The following GPHN variants were observed in gnomAD, a reference collection of about 807,000 sequenced individuals.
GPHN encodes the protein gephyrin.
A neutral mutation model predicts 95.5 loss-of-function variants in GPHN; 17 were observed. That is an observed-to-expected ratio of 0.18 (90% CI 0.12 to 0.27). The LOEUF (loss-of-function observed/expected upper bound fraction) is 0.27. Among genes scored for constraint, GPHN ranks in the 10% least tolerant of loss-of-function variants. GPHN has a pLI of 1.00. For missense variants in GPHN, 660 were observed against 978.1 expected (o/e 0.67, Z 4.34); for synonymous variants, 320 against 322.5 (o/e 0.99, Z 0.08).
chr14:66,984,705 G>A lies in GPHN; in HGVS notation c.963+19380G>A, dbSNP rs530792718. Among the ~76,000 whole-genome samples, 3 of 152,200 alleles carry A rather than the reference G, an allele frequency of 2.0e-5. No individual in the cohort carries two copies. The East Asian group carries it at 5.8e-4, about 29-fold the overall frequency. ...AACTGGGAACTTTTGGCATCACACT[G>A]ATATTTCTGCTATCTCCTAATATAA... On this transcript the variant is annotated intron_variant, in intron 9 of 22. Transcript: ENST00000478722.
chr14:67,641,129 A>G, the GPHN span, among the ~76,000 whole-genome samples: 1 of 152,178 alleles, frequency 6.6e-6, no homozygotes, highest in Admixed American at 6.5e-5. Flanking sequence ...TGATAGTGAC[A>G]CCTTTGTTTT....
chr14:66,688,472 T>C (rs949900457), intron 2 of GPHN, among the ~76,000 whole-genome samples: 1 of 152,258 alleles, frequency 6.6e-6, no homozygotes, highest in Non-Finnish European at 1.5e-5. Context: ...TAAAATGGAT[T>C]GCTTTTTCAG....
chr14:66,508,915 G>A (rs1042530050), intron 1 of GPHN: 46 of 384,828 alleles, frequency 1.2e-4, no homozygotes, highest in African/African-American at 7.8e-4. Context: ...TGCAGGCGGC[G>A]GGATCCCGGC....
the GPHN span, among the ~76,000 whole-genome samples, chr14:67,532,299 G>C: frequency 6.6e-6 from 1 of 152,190 alleles, no homozygotes; most frequent in African/African-American, 2.4e-5. Flanking sequence ...AGAAACAGGC[G>C]CTGATGGTAT....
chr14:67,722,667 ACCT>A, the GPHN span: 119 of 1,613,814 alleles, frequency 7.4e-5, 3 homozygotes, highest in South Asian at 1.3e-3. Flanking sequence ...GGGACTGCTC[ACCT>A]CCTTCTTCTC....
At chr14:66,851,595 T>G (rs2062587752) in intron 4 of GPHN, among the ~76,000 whole-genome samples, 1 of 152,164 alleles carries the variant, frequency 6.6e-6, no homozygotes, top group Non-Finnish European at 1.5e-5. Flanking sequence ...GCACAATGGC[T>G]GAAACCGTTA....
intron 2 of GPHN, among the ~76,000 whole-genome samples, chr14:66,710,956 T>C (rs529747642): frequency 2.3e-3 from 343 of 152,336 alleles, no homozygotes; most frequent in African/African-American, 7.7e-3. Context: ...TTACATACTC[T>C]AAGAAAGGTC....
chr14:67,223,432 G>C, the GPHN span, among the ~76,000 whole-genome samples: 1 of 152,212 alleles, frequency 6.6e-6, no homozygotes, highest in African/African-American at 2.4e-5. Context: ...GAAAAGAGGA[G>C]GGCATGATTC....
chr14:67,169,180 A>C (rs1283403411), intron 21 of GPHN, 144 bp downstream of exon 21: 5 of 673,632 alleles, frequency 7.4e-6, no homozygotes, highest in South Asian at 4.9e-5. Flanking sequence ...TGTGTACTAG[A>C]AAATGTAGGA....
the GPHN span, among the ~76,000 whole-genome samples, chr14:67,350,103 G>A: frequency 2.6e-5 from 4 of 152,170 alleles, no homozygotes; most frequent in Non-Finnish European, 5.9e-5. Flanking sequence ...ACATTTGCAA[G>A]CTATTTTGTA....
At chr14:67,006,152 C>A (rs151247576) in intron 9 of GPHN, among the ~76,000 whole-genome samples, 20 of 152,120 alleles carry the variant, frequency 1.3e-4, no homozygotes, top group African/African-American at 4.8e-4. Context: ...TAAGCAGCAG[C>A]TTGTAGAACA....
At chr14:67,498,279 G>A in the GPHN span, among the ~76,000 whole-genome samples, 2 of 152,124 alleles carry the variant, frequency 1.3e-5, no homozygotes, top group East Asian at 1.9e-4. Context: ...TCTGAGCCAC[G>A]ATGGGGGGTG....
intron 8 of GPHN, among the ~76,000 whole-genome samples, chr14:66,962,216 T>C (rs777646854): frequency 1.3e-5 from 2 of 151,378 alleles, no homozygotes; most frequent in African/African-American, 2.4e-5. Context: ...CTTTTTCTAG[T>C]ATCTGTGTTG....
At chr14:67,098,213 A>G (rs543259976) in intron 12 of GPHN, among the ~76,000 whole-genome samples, 18 of 152,256 alleles carry the variant, frequency 1.2e-4, no homozygotes, top group Admixed American at 2.6e-4. Context: ...TTGGCACTGC[A>G]CTAAAATAGA....
At chr14:66,802,987 C>T (rs575667119) in intron 3 of GPHN, among the ~76,000 whole-genome samples, 1 of 152,270 alleles carries the variant, frequency 6.6e-6, no homozygotes, top group Admixed American at 6.5e-5. Context: ...CACCCCCAGT[C>T]CACTGTCAGT....
rs759217420 is a variant in GPHN at position 67,122,354 on chromosome 14, C to T, written c.1725C>T (p.Ile575=). The part of the protein sequence containing the change: ...ATIQEHGYPT[I]NLGIVGDNPD... ...TTCAGGAACATGGTTACCCCACGAT[C>T]AACTTGGGTATTGTAGGAGACAAGT... The change falls in exon 17 of 23, where the codon ATC becomes ATT. Residue 575 remains isoleucine, a synonymous_variant. Coordinates refer to ENST00000478722, the MANE Select transcript of GPHN (RefSeq NM_020806.5). 2 of 1,612,494 alleles carry T rather than the reference C, an allele frequency of 1.2e-6. No individual in the cohort carries two copies. Among genetic ancestry groups the T allele is most frequent in the Non-Finnish European group, 8.5e-7 (1 of 1,178,666 alleles).
At chr14:67,068,490 T>G (rs1429613665) in intron 11 of GPHN, among the ~76,000 whole-genome samples, 5 of 152,220 alleles carry the variant, frequency 3.3e-5, no homozygotes, top group Admixed American at 3.3e-4. Context: ...AATTACAACT[T>G]CACACTTGGT....
chr14:67,075,491 T>C (rs2076461032), intron 11 of GPHN, among the ~76,000 whole-genome samples: 1 of 152,192 alleles, frequency 6.6e-6, no homozygotes, highest in Admixed American at 6.6e-5. Context: ...AGTGTTATTA[T>C]TTAAGACATA....
intron 18 of GPHN, among the ~76,000 whole-genome samples, chr14:67,152,124 C>T (rs570889906): frequency 4.0e-4 from 61 of 152,194 alleles, no homozygotes; most frequent in African/African-American, 1.4e-3. Flanking sequence ...CACTGTACCT[C>T]GTTTTTGTAA....
Sources: gnomAD v4.1 joint callset for allele counts (sites outside exome capture counted in the v4.1 genomes callset) on GRCh38, gnomAD v4.1.1 for gene constraint, MANE v1.5 for transcripts, NCBI Gene and HGNC (gene_info 2026-07-23, HGNC 2026-07-21) for gene names.